The following AHI1 variants were observed in gnomAD, a reference collection of about 807,000 sequenced individuals.
The protein encoded by AHI1 is jouberin.
In AHI1, 123 loss-of-function variants were observed where a neutral mutation model predicts 149.3. That is an observed-to-expected ratio of 0.82 (90% CI 0.71 to 0.96). AHI1 has a LOEUF of 0.96. AHI1 is among the 40% of genes least tolerant of loss of function. AHI1 has a pLI of 0.00. For missense variants in AHI1, 1,439 were observed against 1,422.7 expected, an observed-to-expected ratio of 1.01 and a Z score of -0.18; for synonymous variants, 475 against 459.8, an observed-to-expected ratio of 1.03 and a Z score of -0.42.
At chr6:135,461,192 G>T (rs1387156116) in intron 8 of AHI1, among the ~76,000 whole-genome samples, 24 of 151,822 alleles carry the variant, frequency 1.6e-4, no homozygotes, top group African/African-American at 5.8e-4. Flanking sequence ...CTCATATTGA[G>T]GTATATAAAC....
intron 27 of AHI1, among the ~76,000 whole-genome samples, chr6:135,294,713 A>G (rs897066049): frequency 3.9e-4 from 59 of 150,434 alleles, no homozygotes; most frequent in Admixed American, 6.6e-4. Flanking sequence ...AAAAAAAAAA[A>G]AAAAGAAAAA....
rs1781566598 is a variant in AHI1, at chr6:135,285,434, T to C, written c.*211A>G. On this transcript the variant is annotated 3_prime_UTR_variant, in exon 29 of 29. Transcript: ENST00000265602. ...ATACTTTGACCAACAATAGTCACAA[T>C]GGTTTATAACAACTGAACTCAAAGG... 3.3e-6 allele frequency: 2 copies of C among 605,402 alleles called. No individual in the cohort carries two copies. Among genetic ancestry groups the C allele is most frequent in the Non-Finnish European group, 2.9e-6 (1 of 340,764 alleles). 37.5% of individuals were successfully genotyped at this position (605,402 alleles called of 1,614,324 possible).
intron 23 of AHI1, chr6:135,387,897 G>C: frequency 6.3e-7 from 1 of 1,580,210 alleles, no homozygotes; most frequent in South Asian, 1.2e-5. Flanking sequence ...TATCCGAAGA[G>C]AGAAAGTGAA....
intron 21 of AHI1, among the ~76,000 whole-genome samples, chr6:135,405,786 G>C (rs1780684972): frequency 1.3e-5 from 2 of 151,194 alleles, no homozygotes; most frequent in South Asian, 4.2e-4. Context: ...CTTGAATCTG[G>C]GAGGTGGAGG....
chr6:135,469,975 T>C (rs1209471213), intron 5 of AHI1, among the ~76,000 whole-genome samples: 1 of 152,124 alleles, frequency 6.6e-6, no homozygotes, highest in African/African-American at 2.4e-5. Flanking sequence ...CAGGATCTAA[T>C]TAAACTACAG....
chr6:135,413,247 T>C (rs987587736), intron 20 of AHI1, among the ~76,000 whole-genome samples: 3 of 152,114 alleles, frequency 2.0e-5, no homozygotes, highest in African/African-American at 7.2e-5. Context: ...GGTGGGAGGA[T>C]TGCTTGAGAC....
At chr6:135,362,962 T>G (rs988270183) in intron 23 of AHI1, among the ~76,000 whole-genome samples, 11 of 151,770 alleles carry the variant, frequency 7.2e-5, no homozygotes, top group African/African-American at 2.7e-4. Context: ...GTTTTTCCAA[T>G]ATTATCTTCC....
rs9494229 is a variant in AHI1, at chr6:135,376,851, C to T, written c.3109+17925G>A. 3.2e-3 allele frequency among the ~76,000 whole-genome samples: 365 copies of T among 114,256 alleles called. 4 individuals carry two copies. The highest frequency in any genetic ancestry group is 0.011 in the African/African-American group (349 of 30,348). 75.0% of individuals were successfully genotyped at this position (114,256 alleles called of 152,430 possible). A position where few individuals can be genotyped will look rare whatever the true frequency, so the allele number is the denominator to read the frequency against. On this transcript the variant is annotated intron_variant, in intron 23 of 28. Transcript: ENST00000265602. ...GAGCTGAGATCGCATCATTGCAATC[C>T]AGCCTCGGTGACAGAGCGAGACTCC...
intron 24 of AHI1, among the ~76,000 whole-genome samples, chr6:135,325,948 T>C (rs1398280987): frequency 6.6e-6 from 1 of 152,198 alleles, no homozygotes; most frequent in Non-Finnish European, 1.5e-5. Context: ...TGAAAAATTT[T>C]CCTGAATTTT....
Position 135,431,213 on chromosome 6 carries a change from T to A in AHI1, c.2368A>T (p.Asn790Tyr). 6.4e-7 allele frequency: 1 copy of A among 1,573,002 alleles called. No homozygotes were observed. The highest frequency in any genetic ancestry group is 8.7e-7 in the Non-Finnish European group (1 of 1,152,936). The change falls in exon 17 of 29, where the codon AAT (asparagine) becomes TAT (tyrosine). Residue 790 changes from asparagine (N) to tyrosine (Y), a missense_variant. Transcript: ENST00000265602. ...TATAAAATATGATTTTATACCTTAT[T>A]TATAGTCCAGTGGTGCACTGAATGT... is the stretch of plus-strand genomic sequence containing the variant. ...LEHSVHHWTI[N>Y]KEIKETEFKG...
chr6:135,448,226 A>T, intron 12 of AHI1, 64 bp downstream of exon 12: 1 of 1,175,328 alleles, frequency 8.5e-7, no homozygotes, highest in Non-Finnish European at 1.1e-6. Context: ...AATGAAAAAC[A>T]TGCTATGTCA....
chr6:135,488,035 A>C (rs1794725597), intron 5 of AHI1, among the ~76,000 whole-genome samples: 1 of 152,142 alleles, frequency 6.6e-6, no homozygotes, highest in African/African-American at 2.4e-5. Flanking sequence ...TAGTGCTCTA[A>C]ATATTTCTCC....
intron 24 of AHI1, among the ~76,000 whole-genome samples, chr6:135,329,035 G>C (rs1385338580): frequency 6.6e-6 from 1 of 152,192 alleles, no homozygotes; most frequent in African/African-American, 2.4e-5. Context: ...AGCTACAGAA[G>C]AAAAGTTGGA....
At chr6:135,305,094 T>C (rs1784385669) in intron 26 of AHI1, 1 of 152,172 alleles carries the variant, frequency 6.6e-6, no homozygotes, top group African/African-American at 2.4e-5. Context: ...GGAGAATGGA[T>C]ACTGTTATCA....
At chr6:135,327,442 C>T (rs1219238201) in intron 24 of AHI1, among the ~76,000 whole-genome samples, 3 of 152,310 alleles carry the variant, frequency 2.0e-5, no homozygotes, top group African/African-American at 4.8e-5. Context: ...AGCATGTCAT[C>T]GTAATACCAT....
chr6:135,363,748 G>A (rs1318306108), intron 23 of AHI1, among the ~76,000 whole-genome samples: 5 of 142,322 alleles, frequency 3.5e-5, no homozygotes, highest in African/African-American at 1.3e-4. Flanking sequence ...CCCGGACGGG[G>A]CAGCTGGCCG....
chr6:135,437,991 C>T (rs1177662541), intron 15 of AHI1, among the ~76,000 whole-genome samples: 1 of 151,912 alleles, frequency 6.6e-6, no homozygotes, highest in Admixed American at 6.6e-5. Flanking sequence ...ATATACTGAG[C>T]ACCACTGGAT....
At chr6:135,294,698 C>CAAAAAAAAAAAAAAAAAAAGAAAAAAAA (rs1327970263) in intron 27 of AHI1, among the ~76,000 whole-genome samples, 1 of 68,018 alleles carries the variant, frequency 1.5e-5, no homozygotes, top group African/African-American at 4.8e-5. Context: ...TCTCCAAATG[C>CAAAAAAAAAAAAAAAAAAAGAAAAAAAA]AAAAAAAAAA....
In AHI1 at chr6:135,357,095, T is replaced by C. The variant is rs542780306; in HGVS notation, c.3165+1037A>G. On this transcript the variant is annotated intron_variant, in intron 24 of 28. Coordinates refer to ENST00000265602, the MANE Select transcript of AHI1 (RefSeq NM_001134831.2). ...CTGGGACTACAGGCATGCACCACCA[T>C]GCCCAGATAACTTTTTGTATTTTAG... 1.6e-3 allele frequency among the ~76,000 whole-genome samples: 251 copies of C among 152,224 alleles called. 1 individual carries two copies. Among genetic ancestry groups the C allele is most frequent in the African/African-American group, 5.8e-3 (241 of 41,540 alleles).
Sources: gnomAD v4.1 joint callset for allele counts (sites outside exome capture counted in the v4.1 genomes callset) on GRCh38, gnomAD v4.1.1 for gene constraint, MANE v1.5 for transcripts, NCBI Gene and HGNC (gene_info 2026-07-23, HGNC 2026-07-21) for gene names.